Variants in TMEM132D observed in about 807,000 individuals in gnomAD.
TMEM132D encodes the protein transmembrane protein 132D.
TMEM132D carries 21 observed loss-of-function variants against 62.3 expected under a neutral mutation model. The observed-to-expected ratio is 0.34, with a 90% CI of 0.24 to 0.49. The LOEUF (loss-of-function observed/expected upper bound fraction) is 0.49, where lower values mean the gene tolerates loss of function less well. Among genes scored for constraint, TMEM132D ranks in the 20% least tolerant of loss-of-function variants. The probability of loss-of-function intolerance (pLI) is 0.99; values close to 1 mark genes in which losing one functional copy is unlikely to be tolerated. For synonymous variants in TMEM132D, 621 were observed against 575.6 expected, an observed-to-expected ratio of 1.08 and a Z score of -1.13; for missense variants, 1,346 against 1,402.8, an observed-to-expected ratio of 0.96 and a Z score of 0.65.
chr12:129,642,640 A>G (rs1460733718), intron 2 of TMEM132D, among the ~76,000 whole-genome samples: 2 of 152,228 alleles, frequency 1.3e-5, no homozygotes, highest in African/African-American at 4.8e-5. Flanking sequence ...TTCATTTACT[A>G]TAAAATGTGC....
chr12:129,754,794 C>A (rs976459053), intron 1 of TMEM132D, among the ~76,000 whole-genome samples: 2 of 152,090 alleles, frequency 1.3e-5, no homozygotes, highest in African/African-American at 2.4e-5. Flanking sequence ...GCCTTTGATA[C>A]CACACAGTCT....
At chr12:129,476,132 A>G (rs1475042924) in intron 3 of TMEM132D, among the ~76,000 whole-genome samples, 1 of 152,068 alleles carries the variant, frequency 6.6e-6, no homozygotes, top group South Asian at 2.1e-4. Flanking sequence ...GTCTGCTCAT[A>G]CCAGTTGGCA....
intron 3 of TMEM132D, among the ~76,000 whole-genome samples, chr12:129,396,505 C>G (rs973550949): frequency 6.6e-5 from 10 of 152,176 alleles, no homozygotes; most frequent in African/African-American, 1.9e-4. Flanking sequence ...TCCTTTCCTA[C>G]TGGCTGGAAG....
chr12:129,219,598 T>A (rs970075802), intron 4 of TMEM132D, among the ~76,000 whole-genome samples: 7 of 152,154 alleles, frequency 4.6e-5, no homozygotes. Context: ...AACAAAAATG[T>A]GACTTACTTT....
Position 129,630,351 on chromosome 12 carries a change from T to C in TMEM132D, c.968+69459A>G, listed in dbSNP as rs1250581445. On this transcript the variant is annotated intron_variant, in intron 2 of 8. Coordinates refer to ENST00000422113, the MANE Select transcript of TMEM132D (RefSeq NM_133448.3). ...AGAAAGAAAAACCACAGGACACAGA[T>C]TGAGTAGATATCTCACCATCAGATG... Among the ~76,000 whole-genome samples the C allele has an allele frequency of 3.3e-5, 5 of 152,154 alleles. No individual in the cohort carries two copies. In the South Asian group the frequency reaches 6.2e-4, roughly 19 times the overall value.
At chr12:129,486,951 T>C (rs1227358769) in intron 3 of TMEM132D, among the ~76,000 whole-genome samples, 1 of 151,354 alleles carries the variant, frequency 6.6e-6, no homozygotes. Flanking sequence ...AATAGTTAGC[T>C]ACTGATAAAT....
intron 3 of TMEM132D, among the ~76,000 whole-genome samples, chr12:129,369,529 A>G (rs2135679988): frequency 6.6e-6 from 1 of 152,358 alleles, no homozygotes. Context: ...GGAATTGACC[A>G]TCAGGTCTAA....
chr12:129,810,972 G>T (rs1303594125), intron 1 of TMEM132D, among the ~76,000 whole-genome samples: 4 of 151,990 alleles, frequency 2.6e-5, no homozygotes, highest in African/African-American at 9.7e-5. Flanking sequence ...TGGAAAATAA[G>T]ATCATTCAAC....
chr12:129,178,914 G>A (rs1213032036), intron 5 of TMEM132D, among the ~76,000 whole-genome samples: 1 of 152,204 alleles, frequency 6.6e-6, no homozygotes, highest in Non-Finnish European at 1.5e-5. Context: ...GGGTTACAAA[G>A]CACTTGTGCA....
chr12:129,114,342 A>G (rs773236382), intron 5 of TMEM132D, among the ~76,000 whole-genome samples: 20 of 152,028 alleles, frequency 1.3e-4, no homozygotes, highest in Non-Finnish European at 2.4e-4. Flanking sequence ...ACCACAAACA[A>G]TTATCCAGCC....
At chr12:129,615,133 A>G (rs1200231285) in intron 2 of TMEM132D, among the ~76,000 whole-genome samples, 7 of 152,180 alleles carry the variant, frequency 4.6e-5, no homozygotes, top group Non-Finnish European at 1.0e-4. Context: ...ACAGGGCACA[A>G]ACACAGAACA....
chr12:129,788,057 A>G (rs1227914460), intron 1 of TMEM132D, among the ~76,000 whole-genome samples: 1 of 152,244 alleles, frequency 6.6e-6, no homozygotes, highest in Admixed American at 6.5e-5. Flanking sequence ...CTCGGGGCAC[A>G]GGGATGTACA....
intron 4 of TMEM132D, among the ~76,000 whole-genome samples, chr12:129,292,118 A>G (rs896780534): frequency 3.3e-5 from 5 of 152,226 alleles, no homozygotes; most frequent in African/African-American, 1.2e-4. Context: ...AAGAATATTA[A>G]TAAAGATCAA....
chr12:129,709,835 A>C (rs530546024), intron 1 of TMEM132D, among the ~76,000 whole-genome samples: 2 of 152,236 alleles, frequency 1.3e-5, no homozygotes, highest in Non-Finnish European at 2.9e-5. Flanking sequence ...AGAATCTCAG[A>C]TCCTATTAAT....
chr12:129,561,199 T>C (rs942932467), intron 2 of TMEM132D, among the ~76,000 whole-genome samples: 1 of 152,228 alleles, frequency 6.6e-6, no homozygotes. Flanking sequence ...TAAGAGTCTA[T>C]GACCTTATCA....
At chr12:129,169,872 A>T (rs1185793916) in intron 5 of TMEM132D, among the ~76,000 whole-genome samples, 1 of 152,200 alleles carries the variant, frequency 6.6e-6, no homozygotes, top group African/African-American at 2.4e-5. Context: ...TTACAAAAAC[A>T]CCCTTAAGCT....
intron 2 of TMEM132D, among the ~76,000 whole-genome samples, chr12:129,543,156 T>C (rs1484596285): frequency 9.8e-6 from 1 of 102,332 alleles, no homozygotes; most frequent in African/African-American, 3.7e-5. Flanking sequence ...GACAGATGGA[T>C]GAATGGGTGG....
intron 1 of TMEM132D, among the ~76,000 whole-genome samples, chr12:129,732,489 G>A (rs1281936312): frequency 6.6e-6 from 1 of 152,112 alleles, no homozygotes. Flanking sequence ...TCAGAGCTTG[G>A]TGCTGTCTTC....
intron 3 of TMEM132D, among the ~76,000 whole-genome samples, chr12:129,428,432 A>T (rs1363058444): frequency 5.3e-5 from 8 of 152,224 alleles, no homozygotes; most frequent in Non-Finnish European, 1.0e-4. Flanking sequence ...TCCAATTTGC[A>T]TTTTTCTATT....
Sources: allele counts gnomAD v4.1 joint callset (sites outside exome capture counted in the v4.1 genomes callset), GRCh38; gene constraint gnomAD v4.1.1; transcripts MANE v1.5; gene names NCBI Gene and HGNC (gene_info 2026-07-23, HGNC 2026-07-21).